The following AKR7A2 variants were observed in gnomAD, a reference collection of about 807,000 sequenced individuals.
The protein encoded by AKR7A2 is aflatoxin B1 aldehyde reductase member 2.
In AKR7A2, 29 loss-of-function variants were observed where a neutral mutation model predicts 37.3. The observed-to-expected ratio is 0.78, with a 90% confidence interval of 0.58 to 1.06. The LOEUF is 1.06. Ranked by LOEUF, AKR7A2 falls within the 50% of genes least tolerant of loss-of-function variation. The pLI is 0.00. For synonymous variants in AKR7A2, 228 were observed against 217.8 expected (o/e 1.05, Z -0.41); for missense variants, 529 against 497.9 (o/e 1.06, Z -0.59).
At chr1:19,304,514 G>A (rs1206256125) in intron 6 of AKR7A2, 128 bp from the exon 7 acceptor site, 3 of 1,537,972 alleles carry the variant, frequency 2.0e-6, no homozygotes, top group Non-Finnish European at 2.7e-6. Flanking sequence ...TGTCCAGAAA[G>A]GACTTAAGGT....
At chr1:19,304,504 T>C (rs2151987617) in intron 6 of AKR7A2, 118 bp from the exon 7 acceptor site, 1 of 1,576,788 alleles carries the variant, frequency 6.3e-7, no homozygotes, top group Non-Finnish European at 8.7e-7. Flanking sequence ...ATATCTTGTA[T>C]GTCCAGAAAG....
In AKR7A2 at chr1:19,308,164, C is replaced by A; in HGVS notation, c.585G>T (p.Val195=). Residue 195 remains valine (V), a synonymous_variant, in exon 3 of 7, where the codon GTG becomes GTT. Transcript: ENST00000235835. ...CTGCAGCCCCGGCCCTCACCTGGTACACAGTGGGCAGGATCCAGCCATTGC... is the reference window on the plus strand; with the variant it reads ...CTGCAGCCCCGGCCCTCACCTGGTAAACAGTGGGCAGGATCCAGCCATTGC... The part of the protein sequence containing the change: ...CKSNGWILPT[V]YQGMYNATTR... 6.2e-7 allele frequency: 1 copy of A among 1,614,050 alleles called. No homozygotes were observed. Among genetic ancestry groups the A allele is most frequent in the Non-Finnish European group, 8.5e-7 (1 of 1,179,928 alleles).
At position 19,304,280 on chromosome 1, in the gene AKR7A2, G is replaced by C. The variant is rs1371050189; in HGVS notation, c.1025C>G (p.Ala342Gly). 1 of 1,614,160 alleles carries C rather than the reference G, an allele frequency of 6.2e-7. No individual in the cohort carries two copies. Among genetic ancestry groups the C allele is most frequent in the Non-Finnish European group, 8.5e-7 (1 of 1,180,040 alleles). Residue 342 changes from alanine (A) to glycine (G), a missense_variant, in exon 7 of 7, where the codon GCC becomes GGC. Transcript: ENST00000235835. Reference protein sequence around the residue: ...EGPLEPAVVDAFNQAWHLVAH... With the variant: ...EGPLEPAVVDGFNQAWHLVAH... Reference sequence around the variant, plus strand: ...AACCAAATGCCAGGCTTGATTAAAGGCATCCACGACAGCCGGCTCCAGGGG... The same window carrying C: ...AACCAAATGCCAGGCTTGATTAAAGCCATCCACGACAGCCGGCTCCAGGGG...
rs867044121 is a variant in AKR7A2 at position 19,306,054 on chromosome 1, A to G, written c.882T>C (p.Ala294=). Residue 294 remains alanine, a synonymous_variant, in exon 6 of 7, where the codon GCT becomes GCC. Coordinates refer to ENST00000235835, the MANE Select transcript of AKR7A2 (RefSeq NM_003689.4). ...YGASAPSVTS[A]ALRWMYHHSQ... is the part of the protein sequence containing the mutation. ...AGTGGTGGTACATCCACCGGAGGGC[A>G]GCCGAGGTCACACTGGGGGCGCTGG... 1.2e-5 allele frequency: 20 copies of G among 1,614,012 alleles called. No homozygotes were observed. Among genetic ancestry groups the G allele is most frequent in the Middle Eastern group, 3.3e-4 (2 of 6,070 alleles).
chr1:19,306,198 G>C, intron 5 of AKR7A2, 51 bp from the exon 6 acceptor site: 1 of 1,613,192 alleles, frequency 6.2e-7, no homozygotes, highest in Non-Finnish European at 8.5e-7. Flanking sequence ...GGGTCACACT[G>C]GGAGCCGCAA....
In AKR7A2 at chr1:19,304,170, T is replaced by C; in HGVS notation, c.*55A>G. The C allele has an allele frequency of 6.2e-7, 1 of 1,611,562 alleles. No individual in the cohort carries two copies. Among genetic ancestry groups the C allele is most frequent in the South Asian group, 1.1e-5 (1 of 91,050 alleles). On this transcript the variant is annotated 3_prime_UTR_variant, in exon 7 of 7. Transcript: ENST00000235835. ...AGCTTAAGGCCAAGACTGGTCAGTGTGAGAGAACAAAAGAGGTGACAGAAA... is the reference window on the plus strand; with the variant it reads ...AGCTTAAGGCCAAGACTGGTCAGTGCGAGAGAACAAAAGAGGTGACAGAAA...
chr1:19,302,805 C>G (rs931780422), downstream of AKR7A2, among the ~76,000 whole-genome samples: 2 of 151,968 alleles, frequency 1.3e-5, no homozygotes, highest in African/African-American at 4.8e-5. Context: ...ATCCTCCCAC[C>G]TCAGCCTCCA....
chr1:19,311,756 C>A (rs1289479600), intron 1 of AKR7A2, 71 bp downstream of exon 1: 12 of 1,590,586 alleles, frequency 7.5e-6, no homozygotes, highest in Admixed American at 5.1e-5. Context: ...CGGGCCCGAG[C>A]GGGGTGGTGC....
chr1:19,307,710 C>G (rs1350589435), intron 3 of AKR7A2: 2 of 532,424 alleles, frequency 3.8e-6, no homozygotes, highest in East Asian at 6.7e-5. Flanking sequence ...AAAAAATAGA[C>G]AAGGAAGGCA....
At chr1:19,310,626 C>A (rs751712562) in intron 1 of AKR7A2, among the ~76,000 whole-genome samples, 17 of 152,132 alleles carry the variant, frequency 1.1e-4, no homozygotes, top group Non-Finnish European at 2.5e-4. Flanking sequence ...GAGCTGAGAT[C>A]GTGCCATTGC....
intron 3 of AKR7A2, chr1:19,307,909 G>A (rs995879506): frequency 3.3e-6 from 2 of 599,722 alleles, no homozygotes; most frequent in Admixed American, 2.8e-5. Context: ...ATGTGTTCCA[G>A]GCTGAAGTAT....
At chr1:19,311,642 A>T (rs2093776034) in intron 1 of AKR7A2, among the ~76,000 whole-genome samples, 185 bp downstream of exon 1, 1 of 151,822 alleles carries the variant, frequency 6.6e-6, no homozygotes. Context: ...AGTGGGGGAA[A>T]GGAGTCAGGG....
intron 1 of AKR7A2, among the ~76,000 whole-genome samples, chr1:19,311,416 T>C (rs1558140633): frequency 6.6e-6 from 1 of 152,140 alleles, no homozygotes; most frequent in Non-Finnish European, 1.5e-5. Flanking sequence ...GGTCAAATTC[T>C]AGTGGTTAAG....
downstream of AKR7A2, among the ~76,000 whole-genome samples, chr1:19,303,223 T>C (rs2093755384): frequency 6.6e-6 from 1 of 152,182 alleles, no homozygotes; most frequent in African/African-American, 2.4e-5. Context: ...GCAGTGATCA[T>C]GCCACTGTAC....
intron 4 of AKR7A2, 47 bp from the exon 5 acceptor site, chr1:19,307,148 G>A: frequency 6.2e-7 from 1 of 1,607,166 alleles, no homozygotes; most frequent in Non-Finnish European, 8.5e-7. Flanking sequence ...TGCCCCAGAA[G>A]CTGCCACATC....
chr1:19,310,100 A>G (rs1036665283), intron 1 of AKR7A2, among the ~76,000 whole-genome samples: 1 of 151,492 alleles, frequency 6.6e-6, no homozygotes, highest in African/African-American at 2.4e-5. Flanking sequence ...AAAACAAAAA[A>G]AAAGAACCCC....
At position 19,307,229 on chromosome 1, in the gene AKR7A2, C is replaced by T. The variant is rs2093763260; in HGVS notation, c.688+85G>A. On this transcript the variant is annotated intron_variant, in intron 4 of 6. Transcript: ENST00000235835. ...TGAAGAACACAGCCCAGCCTCTTGT[C>T]AAACCCTCCCTGCTTCATAAATTCT... is the stretch of plus-strand genomic sequence containing the variant. The T allele has an allele frequency of 3.7e-6, 6 of 1,604,238 alleles. No individual in the cohort carries two copies. The East Asian group carries it at 1.3e-4, about 36-fold the overall frequency.
At position 19,308,536 on chromosome 1, in the gene AKR7A2, C is replaced by T. The variant is rs771334864; in HGVS notation, c.405G>A (p.Val135=). ...TSLKRLQCPQ[V]DLFYLHAPDH... The stretch of plus-strand genomic sequence containing the variant: ...CAGGTGCGTGTAGGTAGAAGAGGTC[C>T]ACTTGGGGACACTGCAGCCTCTTCA... The change falls in exon 2 of 7, where the codon GTG becomes GTA. Residue 135 remains valine, a synonymous_variant. Coordinates refer to ENST00000235835, the MANE Select transcript of AKR7A2 (RefSeq NM_003689.4). 27 of 1,614,180 alleles carry T rather than the reference C, an allele frequency of 1.7e-5. No individual in the cohort carries two copies. The highest frequency in any genetic ancestry group is 2.3e-5 in the Non-Finnish European group (27 of 1,180,022).
intron 1 of AKR7A2, among the ~76,000 whole-genome samples, chr1:19,309,926 A>G (rs1376173260): frequency 6.6e-6 from 1 of 152,056 alleles, no homozygotes; most frequent in East Asian, 1.9e-4. Context: ...AAATACAAAA[A>G]TTAGCCAGGC....
Sources: gnomAD v4.1 joint callset for allele counts (sites outside exome capture counted in the v4.1 genomes callset) on GRCh38, gnomAD v4.1.1 for gene constraint, MANE v1.5 for transcripts, NCBI Gene and HGNC (gene_info 2026-07-23, HGNC 2026-07-21) for gene names.